The following CXADR variants were observed in gnomAD, a reference collection of about 807,000 sequenced individuals.
CXADR encodes the protein CXADR cell adhesion molecule, also known as coxsackievirus and adenovirus receptor.
Under a neutral mutation model 40.3 loss-of-function variants are expected in CXADR, and 20 were observed. The observed-to-expected ratio is 0.50, with a 90% CI of 0.35 to 0.72. The LOEUF is 0.72. CXADR is among the 30% of genes least tolerant of loss of function. The probability of loss-of-function intolerance (pLI) is 0.01; values close to 1 mark genes in which losing one functional copy is unlikely to be tolerated. For missense variants in CXADR, 332 were observed against 449.1 expected, an observed-to-expected ratio of 0.74 and a Z score of 2.36; for synonymous variants, 150 against 161.3, an observed-to-expected ratio of 0.93 and a Z score of 0.53.
At chr21:17,554,298 G>A (rs1380575010) in intron 3 of CXADR, among the ~76,000 whole-genome samples, 8 of 152,172 alleles carry the variant, frequency 5.3e-5, no homozygotes, top group African/African-American at 1.9e-4. Flanking sequence ...GGTAGGGGAT[G>A]GCACATGATG....
intron 1 of CXADR, among the ~76,000 whole-genome samples, chr21:17,541,353 C>T (rs2060825308): frequency 1.3e-5 from 2 of 151,978 alleles, no homozygotes; most frequent in South Asian, 2.1e-4. Context: ...GAGATCAAGA[C>T]CATCCTGGCT....
the CXADR span, among the ~76,000 whole-genome samples, chr21:17,633,658 C>T: frequency 1.5e-3 from 221 of 152,312 alleles, 2 homozygotes; most frequent in African/African-American, 5.0e-3. Flanking sequence ...AATTAGACAG[C>T]CTTTGTTCAC....
chr21:17,524,429 G>A (rs2060571370), intron 1 of CXADR, among the ~76,000 whole-genome samples: 1 of 151,656 alleles, frequency 6.6e-6, no homozygotes, highest in African/African-American at 2.4e-5. Context: ...GGGCGTGGTG[G>A]TGTGTGCCTG....
At chr21:17,536,082 A>T (rs2060751678) in intron 1 of CXADR, among the ~76,000 whole-genome samples, 2 of 152,184 alleles carry the variant, frequency 1.3e-5, no homozygotes. Flanking sequence ...ATGGCGCCAG[A>T]TATTTCGAGA....
chr21:17,598,580 G>A, the CXADR span: 1 of 1,574,122 alleles, frequency 6.4e-7, no homozygotes, highest in African/African-American at 1.4e-5. Context: ...GGCAATCCCT[G>A]CACATCCCTT....
chr21:17,554,813 A>G (rs545713455), intron 3 of CXADR, among the ~76,000 whole-genome samples: 1 of 150,750 alleles, frequency 6.6e-6, no homozygotes, highest in African/African-American at 2.5e-5. Context: ...ACTGGAGCTC[A>G]TTTGATTGAC....
In CXADR at chr21:17,565,841, T is replaced by C; in HGVS notation, c.*149T>C. 7.6e-7 allele frequency: 1 copy of C among 1,319,994 alleles called. No homozygotes were observed. Among genetic ancestry groups the C allele is most frequent in the East Asian group, 2.8e-5 (1 of 35,798 alleles). The allele number at this position is 1,319,994 out of a possible 1,614,324, so 81.8% of individuals were successfully genotyped here. A position where few individuals can be genotyped will look rare whatever the true frequency, so the allele number is the denominator to read the frequency against. On this transcript the variant is annotated 3_prime_UTR_variant, in exon 7 of 7. Coordinates refer to ENST00000284878, the MANE Select transcript of CXADR (RefSeq NM_001338.5). The stretch of plus-strand genomic sequence containing the variant: ...CTGTACGGAATATATTTTTAAAAAT[T>C]TTTGTTTGGTTATATCGAAATAGTT...
At chr21:17,575,372 A>C (rs1012849952) in intron 7 of CXADR, among the ~76,000 whole-genome samples, 9 of 149,918 alleles carry the variant, frequency 6.0e-5, no homozygotes, top group African/African-American at 2.0e-4. Flanking sequence ...TGGTAGAGAG[A>C]GGTCTTGCTG....
At chr21:17,603,530 T>C in the CXADR span, among the ~76,000 whole-genome samples, 1 of 152,160 alleles carries the variant, frequency 6.6e-6, no homozygotes, top group African/African-American at 2.4e-5. Context: ...CCACCTTCAT[T>C]GCTGGAATCA....
intron 2 of CXADR, among the ~76,000 whole-genome samples, chr21:17,549,460 A>G (rs986745076): frequency 5.4e-4 from 83 of 152,360 alleles, no homozygotes; most frequent in African/African-American, 1.9e-3. Context: ...AATGATAATC[A>G]TGTACTGTGC....
chr21:17,587,837 CT>C (rs1395221769), intron 7 of CXADR, among the ~76,000 whole-genome samples: 1 of 152,156 alleles, frequency 6.6e-6, no homozygotes, highest in African/African-American at 2.4e-5. Context: ...ATGGTATTGC[CT>C]AGGTTTTCTT....
At chr21:17,606,941 T>C in the CXADR span, among the ~76,000 whole-genome samples, 1 of 152,178 alleles carries the variant, frequency 6.6e-6, no homozygotes, top group African/African-American at 2.4e-5. Context: ...TATTGCCAAA[T>C]TGCTCTCTAC....
the CXADR span, among the ~76,000 whole-genome samples, chr21:17,629,882 G>A: frequency 6.6e-6 from 1 of 152,280 alleles, no homozygotes; most frequent in South Asian, 2.1e-4. Flanking sequence ...CTCTGCCTGT[G>A]GAGAAAGGTG....
chr21:17,627,686 A>T, the CXADR span, among the ~76,000 whole-genome samples: 1 of 152,220 alleles, frequency 6.6e-6, no homozygotes, highest in African/African-American at 2.4e-5. Context: ...TAGATATTAG[A>T]GAGCTGCTAA....
chr21:17,541,532 C>T (rs2060828278), intron 1 of CXADR, among the ~76,000 whole-genome samples: 1 of 151,808 alleles, frequency 6.6e-6, no homozygotes, highest in South Asian at 2.1e-4. Context: ...CATTCCAGCC[C>T]AGGCGTCAGA....
intron 7 of CXADR, among the ~76,000 whole-genome samples, chr21:17,591,981 A>G (rs1282519446): frequency 6.6e-6 from 1 of 151,970 alleles, no homozygotes; most frequent in East Asian, 1.9e-4. Flanking sequence ...GCTCTAAATA[A>G]GTTTCAGGAC....
At chr21:17,615,043 G>C in the CXADR span, among the ~76,000 whole-genome samples, 1 of 152,116 alleles carries the variant, frequency 6.6e-6, no homozygotes, top group African/African-American at 2.4e-5. Flanking sequence ...CGCAATATTC[G>C]TATGTTGGAG....
At chr21:17,556,468 GA>G (rs3838629) in intron 3 of CXADR, among the ~76,000 whole-genome samples, 26,337 of 152,130 alleles carry the variant, frequency 0.17, 2,486 homozygotes, top group East Asian at 0.23. Context: ...TTATATGGGA[GA>G]AAATGGATAT....
the CXADR span, among the ~76,000 whole-genome samples, chr21:17,618,681 C>G: frequency 1.3e-5 from 2 of 152,046 alleles, no homozygotes; most frequent in African/African-American, 4.8e-5. Flanking sequence ...GGATTACAGG[C>G]ATGCACCACC....
Sources: gnomAD v4.1 joint callset for allele counts (sites outside exome capture counted in the v4.1 genomes callset) on GRCh38, gnomAD v4.1.1 for gene constraint, MANE v1.5 for transcripts, NCBI Gene and HGNC (gene_info 2026-07-23, HGNC 2026-07-21) for gene names.